Variants in LEMD2 observed in about 807,000 individuals in gnomAD.
The protein encoded by LEMD2 is LEM domain nuclear envelope protein 2.
In LEMD2, 34 loss-of-function variants were observed where a neutral mutation model predicts 58.8. The observed-to-expected ratio is 0.58, with a 90% CI of 0.44 to 0.77. The LOEUF (loss-of-function observed/expected upper bound fraction) is 0.77, where lower values mean the gene tolerates loss of function less well. LEMD2 is among the 30% of genes least tolerant of loss of function. The probability of loss-of-function intolerance (pLI) is 0.00; values close to 1 mark genes in which losing one functional copy is unlikely to be tolerated. For missense variants in LEMD2, 629 were observed against 717.9 expected (o/e 0.88, Z 1.42); for synonymous variants, 298 against 308.9 (o/e 0.96, Z 0.37).
intron 1 of LEMD2, among the ~76,000 whole-genome samples, chr6:33,787,482 T>C (rs1767704955): frequency 6.6e-6 from 1 of 152,266 alleles, no homozygotes; most frequent in Non-Finnish European, 1.5e-5. Flanking sequence ...CTTTTTCCTG[T>C]ATTTTGGCAG....
chr6:33,777,344 G>A (rs1413052779), intron 6 of LEMD2, 105 bp from the exon 7 acceptor site: 2 of 825,484 alleles, frequency 2.4e-6, no homozygotes, highest in African/African-American at 3.3e-5. Flanking sequence ...CACCACATGG[G>A]TTTGGGTACC....
At chr6:33,776,902 TG>T in intron 8 of LEMD2, 51 bp downstream of exon 8, 1 of 1,443,458 alleles carries the variant, frequency 6.9e-7, no homozygotes, top group Non-Finnish European at 9.7e-7. Context: ...GGGAGCTCAG[TG>T]GGGTCGGACC....
chr6:33,774,073 T>C (rs1044816848), intron 8 of LEMD2, among the ~76,000 whole-genome samples: 24 of 152,158 alleles, frequency 1.6e-4, no homozygotes, highest in African/African-American at 4.8e-4. Context: ...CAGTGCCGTC[T>C]CATGCTCTTA....
chr6:33,784,402 G>T lies in LEMD2; in HGVS notation c.803C>A (p.Ala268Asp). Residue 268 changes from alanine to aspartate, a missense_variant, in exon 3 of 9, where the codon GCC (alanine) becomes GAC (aspartate). By Grantham distance (126) the Ala-to-Asp change is moderately radical. Transcript: ENST00000293760. ...DEFCQAKQKA[A>D]LLELLHELYN... ...GAGTTCATGCAGCAGCTCCAGCAAGGCTGCCTTCTGCTTGGCCTGACAGAA... is the reference window on the plus strand; with the variant it reads ...GAGTTCATGCAGCAGCTCCAGCAAGTCTGCCTTCTGCTTGGCCTGACAGAA... The T allele has an allele frequency of 6.7e-7, 1 of 1,491,370 alleles. No individual in the cohort carries two copies. The highest frequency in any genetic ancestry group is 9.0e-7 in the Non-Finnish European group (1 of 1,105,212). 92.4% of individuals were successfully genotyped at this position (1,491,370 alleles called of 1,614,324 possible).
rs553671651 is a variant in LEMD2 at position 33,772,512 on chromosome 6, G to A, written c.*116C>T. On this transcript the variant is annotated 3_prime_UTR_variant, in exon 9 of 9. Coordinates refer to ENST00000293760, the MANE Select transcript of LEMD2 (RefSeq NM_181336.4). Reference sequence around the variant, plus strand: ...CAGACCTTTGGAATCGTGTCAGGACGAGACTGAAAGTCAAGGCAAGTGTGA... The same window carrying A: ...CAGACCTTTGGAATCGTGTCAGGACAAGACTGAAAGTCAAGGCAAGTGTGA... 3.7e-5 allele frequency: 35 copies of A among 955,196 alleles called. No homozygotes were observed. The African/African-American group carries it at 4.7e-4, about 13-fold the overall frequency. The allele number at this position is 955,196 out of a possible 1,614,324, so 59.2% of individuals were successfully genotyped here.
At chr6:33,784,477 G>GGGGGGGGGGGGGGGGGCCCCCCCCC in intron 2 of LEMD2, 50 bp from the exon 3 acceptor site, 2 of 430,806 alleles carry the variant, frequency 4.6e-6, no homozygotes, top group Non-Finnish European at 9.5e-6. Context: ...GGTGGGAGGG[G>GGGGGGGGGGGGGGGGGCCCCCCCCC]TCCGTCTGTC....
chr6:33,784,477 G>GGGGGGGGGGCCCCCCCCCCCCCCC, intron 2 of LEMD2, 50 bp from the exon 3 acceptor site: 1 of 430,810 alleles, frequency 2.3e-6, no homozygotes. Context: ...GGTGGGAGGG[G>GGGGGGGGGGCCCCCCCCCCCCCCC]TCCGTCTGTC....
Position 33,789,006 on chromosome 6 carries a change from G to C in LEMD2, c.111C>G (p.Arg37=). 1 of 1,552,596 alleles carries C rather than the reference G, an allele frequency of 6.4e-7. No homozygotes were observed. Among genetic ancestry groups the C allele is most frequent in the Non-Finnish European group, 8.6e-7 (1 of 1,156,466 alleles). ...CGCGCAGCCGGGCCTCGCCCCGCAG[G>C]CGGCGCAGCTTGTTGCGGTAGACAT... ...TRDVYRNKLR[R]LRGEARLRDE... is the part of the protein sequence containing the mutation. The change falls in exon 1 of 9, where the codon CGC becomes CGG. Residue 37 remains arginine, a synonymous_variant. Transcript: ENST00000293760.
intron 2 of LEMD2, 109 bp downstream of exon 2, chr6:33,786,625 G>T: frequency 1.2e-6 from 1 of 812,610 alleles, no homozygotes; most frequent in Non-Finnish European, 2.1e-6. Context: ...GTACATTACA[G>T]GAAGCACTCC....
At chr6:33,781,499 A>C (rs1416564925) in intron 3 of LEMD2, 1 of 224,156 alleles carries the variant, frequency 4.5e-6, no homozygotes, top group African/African-American at 2.3e-5. Flanking sequence ...CAGCCTGAGA[A>C]AAAAGAAAGG....
intron 8 of LEMD2, among the ~76,000 whole-genome samples, chr6:33,774,459 T>C (rs1054297959): frequency 2.1e-5 from 3 of 144,964 alleles, no homozygotes; most frequent in African/African-American, 7.8e-5. Flanking sequence ...AGACAGGGTC[T>C]CGCTCTGTCA....
chr6:33,773,422 G>C lies in LEMD2; in HGVS notation c.1362-644C>G, dbSNP rs190821016. ...GAAGGTTCCAAAGCCATGGGGGAGG[G>C]TCACTTTGATCTTCTCCCTTTGTGA... On this transcript the variant is annotated intron_variant, in intron 8 of 8. Coordinates refer to ENST00000293760, the MANE Select transcript of LEMD2 (RefSeq NM_181336.4). Among the ~76,000 whole-genome samples, 404 of 152,224 alleles carry C rather than the reference G, an allele frequency of 2.7e-3. 2 individuals carry two copies. The highest frequency in any genetic ancestry group is 8.9e-3 in the African/African-American group (371 of 41,534).
At chr6:33,786,853 T>C (rs1245302590) in intron 1 of LEMD2, 79 bp from the exon 2 acceptor site, 36 of 1,590,434 alleles carry the variant, frequency 2.3e-5, no homozygotes, top group Non-Finnish European at 3.1e-5. Context: ...CTCACAACAT[T>C]TGGAGGGAGT....
chr6:33,778,345 G>C lies in LEMD2; in HGVS notation c.1053C>G (p.Asp351Glu). Residue 351 changes from aspartate to glutamate, a missense_variant, in exon 6 of 9, where the codon GAC becomes GAG. Transcript: ENST00000293760. The surrounding 1 kb of genome is among the most constrained non-coding windows in gnomAD (Gnocchi z 4.7). ...GGGCAGATTCCAGGCAGACCACCTT[G>C]TCCACAGTCGTCACCAATTCAGACT... ...EDQSELVTTVDKVVCLESAHP... is the reference protein window; with the variant it reads ...EDQSELVTTVEKVVCLESAHP... 6.3e-7 allele frequency: 1 copy of C among 1,599,184 alleles called. No individual in the cohort carries two copies. The highest frequency in any genetic ancestry group is 8.5e-7 in the Non-Finnish European group (1 of 1,171,702).
chr6:33,772,623 G>A lies in LEMD2; in HGVS notation c.*5C>T, dbSNP rs774863741. ...GCTGACCGGGAACAAGTCCCCGCCCGGGGCTTATCGCTCTGAGTCAGAGAA... is the reference window on the plus strand; with the variant it reads ...GCTGACCGGGAACAAGTCCCCGCCCAGGGCTTATCGCTCTGAGTCAGAGAA... On this transcript the variant is annotated 3_prime_UTR_variant, in exon 9 of 9. Coordinates refer to ENST00000293760, the MANE Select transcript of LEMD2 (RefSeq NM_181336.4). 3.0e-5 allele frequency: 49 copies of A among 1,612,420 alleles called. No homozygotes were observed. In the East Asian group the frequency reaches 6.0e-4, roughly 20 times the overall value.
At chr6:33,774,474 G>A (rs1440012420) in intron 8 of LEMD2, among the ~76,000 whole-genome samples, 2 of 149,402 alleles carry the variant, frequency 1.3e-5, no homozygotes, top group Non-Finnish European at 3.0e-5. Flanking sequence ...CTGTCACCCG[G>A]GCTGGTGTGC....
chr6:33,788,394 C>A lies in LEMD2; in HGVS notation c.723G>T (p.Glu241Asp). The change falls in exon 1 of 9, where the codon GAG (glutamate) becomes GAT (aspartate). Residue 241 changes from glutamate (E) to aspartate (D), a missense_variant. By Grantham distance (45) the Glu-to-Asp change is conservative. Coordinates refer to ENST00000293760, the MANE Select transcript of LEMD2 (RefSeq NM_181336.4). Reference sequence around the variant, plus strand: ...CCCAGGACGTACTGTTGTCCTCCGCCTCCTGCGGCGCTGAGGGCTTGCCCA... The same window carrying A: ...CCCAGGACGTACTGTTGTCCTCCGCATCCTGCGGCGCTGAGGGCTTGCCCA... ...VKMGKPSAPQ[E>D]AEDNMKLLPV... 6.3e-7 allele frequency: 1 copy of A among 1,580,036 alleles called. No homozygotes were observed.
intron 3 of LEMD2, among the ~76,000 whole-genome samples, chr6:33,783,889 T>C (rs1767616362): frequency 6.6e-6 from 1 of 152,178 alleles, no homozygotes; most frequent in African/African-American, 2.4e-5. Flanking sequence ...GGACCAGATG[T>C]GACACCAGGG....
chr6:33,780,183 T>C lies in LEMD2; in HGVS notation c.931-4A>G. 1.3e-6 allele frequency: 2 copies of C among 1,583,620 alleles called. No individual in the cohort carries two copies. The highest frequency in any genetic ancestry group is 1.7e-6 in the Non-Finnish European group (2 of 1,163,512). On this transcript the variant is annotated splice_polypyrimidine_tract_variant and splice_region_variant and intron_variant, in intron 4 of 8. Transcript: ENST00000293760. ...CGGAGGAGCTGCTGGTCACATTCTG[T>C]GGGAGGGCGCGGGAGAAGGTTAGTT...
Sources: gnomAD v4.1 joint callset for allele counts (sites outside exome capture counted in the v4.1 genomes callset) on GRCh38, gnomAD v4.1.1 for gene constraint, Gnocchi (gnomAD v3.1) non-coding constraint, MANE v1.5 for transcripts, NCBI Gene and HGNC (gene_info 2026-07-23, HGNC 2026-07-21) for gene names.